The following PRTFDC1 variants were observed in gnomAD, a reference collection of about 807,000 sequenced individuals.
PRTFDC1 encodes the protein phosphoribosyltransferase domain-containing protein 1.
Under a neutral mutation model 34.6 loss-of-function variants are expected in PRTFDC1, and 38 were observed. The ratio of observed to expected loss-of-function variants is 1.10; its 90% CI spans 0.85 to 1.44. PRTFDC1 has a LOEUF of 1.44. Ranked by LOEUF, PRTFDC1 falls within the 40% of genes most tolerant of loss-of-function variation. The pLI is 0.00. For synonymous variants in PRTFDC1, 93 were observed against 98.1 expected (o/e 0.95, Z 0.31); for missense variants, 270 against 283.0 (o/e 0.95, Z 0.33).
At chr10:24,940,385 G>A (rs1035313432) in intron 2 of PRTFDC1, among the ~76,000 whole-genome samples, 8 of 152,116 alleles carry the variant, frequency 5.3e-5, no homozygotes, top group Non-Finnish European at 7.4e-5. Flanking sequence ...ATAAGAAGAT[G>A]AACAATTGAA....
chr10:24,949,226 A>T (rs1289060664), intron 1 of PRTFDC1, among the ~76,000 whole-genome samples: 1 of 151,998 alleles, frequency 6.6e-6, no homozygotes, highest in Non-Finnish European at 1.5e-5. Flanking sequence ...GGTAGCTGGG[A>T]CTACAGGCAT....
chr10:24,946,677 A>C (rs1171454237), intron 1 of PRTFDC1, among the ~76,000 whole-genome samples: 1 of 152,240 alleles, frequency 6.6e-6, no homozygotes, highest in Non-Finnish European at 1.5e-5. Flanking sequence ...AAATAAGATA[A>C]TGAATGTAAG....
intron 3 of PRTFDC1, among the ~76,000 whole-genome samples, chr10:24,895,924 A>G (rs1381596865): frequency 6.6e-6 from 1 of 151,994 alleles, no homozygotes; most frequent in African/African-American, 2.4e-5. Flanking sequence ...CGCATATTTA[A>G]TCTAAAAACA....
At chr10:24,872,809 T>A (rs866305986) in intron 3 of PRTFDC1, among the ~76,000 whole-genome samples, 12,405 of 103,292 alleles carry the variant, frequency 0.12, 420 homozygotes, top group African/African-American at 0.19. Flanking sequence ...TATATATATT[T>A]TTTTTTTTTT....
chr10:24,866,297 G>T (rs1847773027), intron 4 of PRTFDC1, among the ~76,000 whole-genome samples: 1 of 149,180 alleles, frequency 6.7e-6, no homozygotes, highest in Non-Finnish European at 1.5e-5. Context: ...GGAGGTGCAG[G>T]TTGCAGTGAG....
intron 3 of PRTFDC1, among the ~76,000 whole-genome samples, chr10:24,906,747 A>T (rs1848541952): frequency 6.6e-6 from 1 of 152,224 alleles, no homozygotes; most frequent in African/African-American, 2.4e-5. Flanking sequence ...GTGGCCACGA[A>T]GCCCATGTGT....
At chr10:24,897,205 C>CA (rs138857379) in intron 3 of PRTFDC1, among the ~76,000 whole-genome samples, 14,885 of 151,754 alleles carry the variant, frequency 0.098, 1,055 homozygotes, top group East Asian at 0.29. Context: ...GAATCTGTTT[C>CA]AAAAAAATAA....
At chr10:24,850,947 C>T (rs1847475888) in intron 8 of PRTFDC1, among the ~76,000 whole-genome samples, 1 of 152,148 alleles carries the variant, frequency 6.6e-6, no homozygotes, top group Non-Finnish European at 1.5e-5. Flanking sequence ...CTGGGGTCCA[C>T]ACTGGGGGTC....
At chr10:24,902,112 A>G (rs1848459141) in intron 3 of PRTFDC1, among the ~76,000 whole-genome samples, 1 of 152,222 alleles carries the variant, frequency 6.6e-6, no homozygotes, top group Non-Finnish European at 1.5e-5. Flanking sequence ...GAGGGAAAGA[A>G]GGAAACTGAT....
intron 3 of PRTFDC1, among the ~76,000 whole-genome samples, chr10:24,919,786 T>TAA (rs201829359): frequency 6.7e-6 from 1 of 148,984 alleles, no homozygotes; most frequent in East Asian, 2.0e-4. Context: ...AAATTTACAT[T>TAA]AAAAAAAAAC....
At chr10:24,884,721 G>T (rs533660261) in intron 3 of PRTFDC1, among the ~76,000 whole-genome samples, 2 of 152,284 alleles carry the variant, frequency 1.3e-5, no homozygotes, top group South Asian at 4.2e-4. Context: ...AGAGTTAGGG[G>T]CAGTGGTGGA....
At chr10:24,864,966 A>G (rs1847750500) in intron 4 of PRTFDC1, among the ~76,000 whole-genome samples, 1 of 152,148 alleles carries the variant, frequency 6.6e-6, no homozygotes, top group South Asian at 2.1e-4. Flanking sequence ...AAATATAAAA[A>G]TTAGCCAGGC....
chr10:24,884,247 C>G (rs142364436), intron 3 of PRTFDC1, among the ~76,000 whole-genome samples: 77 of 152,094 alleles, frequency 5.1e-4, no homozygotes, highest in African/African-American at 1.7e-3. Context: ...TAAACCAGCT[C>G]TCATGAAACT....
chr10:24,915,391 T>C (rs1236564744), intron 3 of PRTFDC1, among the ~76,000 whole-genome samples: 1 of 152,218 alleles, frequency 6.6e-6, no homozygotes, highest in African/African-American at 2.4e-5. Flanking sequence ...ACTTAAATGG[T>C]AAAATCAGAG....
At chr10:24,939,267 C>A (rs1268898021) in intron 2 of PRTFDC1, among the ~76,000 whole-genome samples, 2 of 136,854 alleles carry the variant, frequency 1.5e-5, no homozygotes, top group African/African-American at 5.6e-5. Context: ...TGCTATTGCA[C>A]TCCAGTCTGG....
chr10:24,877,167 T>C (rs923839521), intron 3 of PRTFDC1, among the ~76,000 whole-genome samples: 2 of 152,136 alleles, frequency 1.3e-5, no homozygotes, highest in Non-Finnish European at 1.5e-5. Context: ...GTCAGTGCTC[T>C]TCCTTAATCA....
intron 4 of PRTFDC1, among the ~76,000 whole-genome samples, chr10:24,869,050 TC>T (rs1175824855): frequency 1.3e-5 from 2 of 152,178 alleles, no homozygotes; most frequent in Non-Finnish European, 2.9e-5. Context: ...ACATTTCAAG[TC>T]TTCTAGCTAC....
At chr10:24,919,278 A>C (rs1294916632) in intron 3 of PRTFDC1, among the ~76,000 whole-genome samples, 1 of 152,208 alleles carries the variant, frequency 6.6e-6, no homozygotes, top group African/African-American at 2.4e-5. Context: ...CAAGTACAAA[A>C]ACAGACACAT....
intron 3 of PRTFDC1, among the ~76,000 whole-genome samples, chr10:24,891,082 A>G (rs937036759): frequency 6.6e-6 from 1 of 152,242 alleles, no homozygotes; most frequent in African/African-American, 2.4e-5. Flanking sequence ...CTTTGGGCAT[A>G]GTCATAAAAG....
Sources: gnomAD v4.1 joint callset for allele counts (sites outside exome capture counted in the v4.1 genomes callset) on GRCh38, gnomAD v4.1.1 for gene constraint, MANE v1.5 for transcripts, NCBI Gene and HGNC (gene_info 2026-07-23, HGNC 2026-07-21) for gene names.